Variants in FEZ2 observed in about 807,000 individuals in gnomAD.
FEZ2 encodes fasciculation and elongation protein zeta-2.
A neutral mutation model predicts 40.4 loss-of-function variants in FEZ2; 51 were observed. The ratio of observed to expected loss-of-function variants is 1.26; its 90% CI spans 1.01 to 1.59. FEZ2 has a LOEUF of 1.59. FEZ2 is among the 40% of genes most tolerant of loss of function. The pLI is 0.00. For synonymous variants in FEZ2, 242 were observed against 172.0 expected (o/e 1.41, Z -3.18); for missense variants, 640 against 438.3 (o/e 1.46, Z -4.11).
intron 5 of FEZ2, among the ~76,000 whole-genome samples, chr2:36,573,563 T>C (rs1334610655): frequency 6.6e-6 from 1 of 152,206 alleles, no homozygotes; most frequent in Non-Finnish European, 1.5e-5. Flanking sequence ...TCAACAAACA[T>C]GCATTAAGTG....
At chr2:36,568,774 C>T (rs566852426) in intron 5 of FEZ2, among the ~76,000 whole-genome samples, 39 of 152,334 alleles carry the variant, frequency 2.6e-4, no homozygotes, top group African/African-American at 8.7e-4. Flanking sequence ...CCAGTATTTA[C>T]GCTGAGAATA....
chr2:36,567,158 T>A (rs965092378), intron 5 of FEZ2, among the ~76,000 whole-genome samples: 4 of 151,930 alleles, frequency 2.6e-5, no homozygotes, highest in Non-Finnish European at 4.4e-5. Context: ...TTTTTAAACG[T>A]CTCATAAGCT....
rs372901966 is a variant in FEZ2, at chr2:36,578,587, C to T, written c.903+10G>A. 2.2e-5 allele frequency: 35 copies of T among 1,604,878 alleles called. No individual in the cohort carries two copies. Among genetic ancestry groups the T allele is most frequent in the Non-Finnish European group, 1.8e-5 (21 of 1,176,376 alleles). On this transcript the variant is annotated intron_variant, in intron 5 of 7. Transcript: ENST00000405912. Reference sequence around the variant, plus strand: ...CCAGTGTTCGACGCCTCCTGCAAAACATCACTTACTGTGCCGGGCATATGA... The same window carrying T: ...CCAGTGTTCGACGCCTCCTGCAAAATATCACTTACTGTGCCGGGCATATGA...
intron 2 of FEZ2, among the ~76,000 whole-genome samples, chr2:36,589,410 A>G (rs1003790171): frequency 6.6e-5 from 10 of 152,224 alleles, no homozygotes; most frequent in African/African-American, 1.9e-4. Context: ...TGGCTAAATG[A>G]CCATCTGTCA....
chr2:36,560,597 T>C (rs1668068719), intron 5 of FEZ2, among the ~76,000 whole-genome samples: 1 of 152,230 alleles, frequency 6.6e-6, no homozygotes, highest in Non-Finnish European at 1.5e-5. Flanking sequence ...ATTTGAAAAA[T>C]GCTTTTTCCT....
intron 3 of FEZ2, among the ~76,000 whole-genome samples, chr2:36,582,923 CT>C (rs1668794329): frequency 1.3e-5 from 2 of 152,186 alleles, no homozygotes; most frequent in African/African-American, 4.8e-5. Flanking sequence ...GGGAATAATG[CT>C]CACTTCTTTC....
intron 2 of FEZ2, among the ~76,000 whole-genome samples, chr2:36,586,204 G>A (rs752901021): frequency 2.0e-5 from 3 of 152,138 alleles, no homozygotes; most frequent in Admixed American, 1.3e-4. Flanking sequence ...TAGACCTACC[G>A]ATTAGTTTCA....
intron 2 of FEZ2, among the ~76,000 whole-genome samples, chr2:36,589,261 T>C (rs1668998808): frequency 6.6e-6 from 1 of 152,224 alleles, no homozygotes; most frequent in Admixed American, 6.5e-5. Context: ...CAAAGTGATC[T>C]GGGGACTAGC....
chr2:36,554,235 C>A (rs765044621), intron 7 of FEZ2: 1 of 471,008 alleles, frequency 2.1e-6, no homozygotes, highest in East Asian at 6.9e-5. Flanking sequence ...CTAAGGCATG[C>A]GGTATAGGTA....
intron 5 of FEZ2, chr2:36,561,367 C>T (rs1019072566): frequency 6.6e-6 from 1 of 152,202 alleles, no homozygotes; most frequent in South Asian, 2.1e-4. Flanking sequence ...TTCCCACTCA[C>T]TCTTCGGGCC....
chr2:36,571,529 G>T (rs1003599978), intron 5 of FEZ2, among the ~76,000 whole-genome samples: 12 of 151,762 alleles, frequency 7.9e-5, no homozygotes, highest in Non-Finnish European at 1.2e-4. Context: ...GCTGGCGGGC[G>T]CCGTCATCCC....
At chr2:36,585,574 C>T (rs376381529) in intron 2 of FEZ2, among the ~76,000 whole-genome samples, 17 of 152,234 alleles carry the variant, frequency 1.1e-4, no homozygotes, top group African/African-American at 3.9e-4. Context: ...ATGAGTTCTA[C>T]GGCTCTATTG....
intron 5 of FEZ2, among the ~76,000 whole-genome samples, chr2:36,561,790 A>C (rs181358281): frequency 1.3e-5 from 2 of 152,340 alleles, no homozygotes; most frequent in East Asian, 3.9e-4. Context: ...TATAGAGGAA[A>C]TTTAAATCAG....
chr2:36,580,980 C>T (rs1306735974), intron 4 of FEZ2, among the ~76,000 whole-genome samples: 4 of 151,994 alleles, frequency 2.6e-5, no homozygotes, highest in Non-Finnish European at 4.4e-5. Context: ...GACGAAACCC[C>T]GTCTCTACTA....
intron 1 of FEZ2, 31 bp downstream of exon 1, chr2:36,597,846 C>T (rs1669278052): frequency 1.5e-6 from 2 of 1,326,158 alleles, no homozygotes; most frequent in South Asian, 1.9e-5. Flanking sequence ...GGGAGGCTCC[C>T]GCCCACTCCC....
chr2:36,572,995 C>A (rs1668460150), intron 5 of FEZ2, among the ~76,000 whole-genome samples: 2 of 152,070 alleles, frequency 1.3e-5, no homozygotes, highest in South Asian at 4.2e-4. Context: ...ACAGTTTTTT[C>A]TTTTCTCTAC....
Position 36,598,072 on chromosome 2 carries a change from T to G in FEZ2, c.71A>C (p.Glu24Ala), listed in dbSNP as rs1314236064. Reference sequence around the variant, plus strand: ...AGGCTCGGGGCTCGCGTTACAGTTCTCCTGGTCCAGGAGGCTCCGGGCCGG... The same window carrying G: ...AGGCTCGGGGCTCGCGTTACAGTTCGCCTGGTCCAGGAGGCTCCGGGCCGG... ...QEPARSLLDQENCNASPEPGA... is the reference protein window; with the variant it reads ...QEPARSLLDQANCNASPEPGA... Residue 24 changes from glutamate to alanine, a missense_variant, in exon 1 of 8, where the codon GAG becomes GCG. Glu to Ala is a moderately radical substitution (Grantham distance 107, BLOSUM62 -1). Transcript: ENST00000405912. 6 of 1,490,808 alleles carry G rather than the reference T, an allele frequency of 4.0e-6. No homozygotes were observed. The highest frequency in any genetic ancestry group is 5.3e-6 in the Non-Finnish European group (6 of 1,127,136). The allele number at this position is 1,490,808 out of a possible 1,614,324, so 92.3% of individuals were successfully genotyped here.
At position 36,552,383 on chromosome 2, in the gene FEZ2, A is replaced by G; in HGVS notation, c.*780T>C. 1 of 370,180 alleles carries G rather than the reference A, an allele frequency of 2.7e-6. No homozygotes were observed. Among genetic ancestry groups the G allele is most frequent in the Non-Finnish European group, 5.2e-6 (1 of 191,626 alleles). 22.9% of individuals were successfully genotyped at this position (370,180 alleles called of 1,614,324 possible). The stretch of plus-strand genomic sequence containing the variant: ...TCATACTTAAGAAAAACACACAGGC[A>G]TGAATAAAATAGGACACAGTAATGA... On this transcript the variant is annotated 3_prime_UTR_variant, in exon 8 of 8. Coordinates refer to ENST00000405912, the MANE Select transcript of FEZ2 (RefSeq NM_005102.3).
chr2:36,558,954 G>T (rs1668025785), intron 5 of FEZ2: 1 of 152,336 alleles, frequency 6.6e-6, no homozygotes, highest in Non-Finnish European at 1.5e-5. Context: ...TTCTGTTTCA[G>T]ACCATTTTTA....
Sources: allele counts gnomAD v4.1 joint callset (sites outside exome capture counted in the v4.1 genomes callset), GRCh38; gene constraint gnomAD v4.1.1; transcripts MANE v1.5; gene names NCBI Gene and HGNC (gene_info 2026-07-23, HGNC 2026-07-21).